RSU1: variants seen among roughly 807,000 people sequenced by gnomAD.
The protein encoded by RSU1 is rsu-1.
RSU1 carries 26 observed loss-of-function variants against 31.1 expected under a neutral mutation model. That is an observed-to-expected ratio of 0.84 (90% CI 0.61 to 1.16). The LOEUF is 1.16. RSU1 is among the 50% of genes most tolerant of loss of function. RSU1 has a pLI of 0.00. For synonymous variants in RSU1, 164 were observed against 136.3 expected (o/e 1.20, Z -1.41); for missense variants, 320 against 339.1 (o/e 0.94, Z 0.44).
rs561156588 is a variant in RSU1, at chr10:16,752,789, G to A, written c.483+129C>T. 7.8e-6 allele frequency: 8 copies of A among 1,029,214 alleles called. No individual in the cohort carries two copies. The Admixed American group carries it at 1.6e-4, about 21-fold the overall frequency. 63.8% of individuals were successfully genotyped at this position (1,029,214 alleles called of 1,614,324 possible). On this transcript the variant is annotated intron_variant, in intron 6 of 8. Transcript: ENST00000345264. ...TTTACAAGTGCCGGCGGATAATCAA[G>A]AAACACTATCAGGAGTAGTGGTTTA...
chr10:16,744,804 T>C (rs1003261133), intron 7 of RSU1, among the ~76,000 whole-genome samples: 1 of 152,190 alleles, frequency 6.6e-6, no homozygotes, highest in Non-Finnish European at 1.5e-5. Context: ...GCGGGCATAC[T>C]CTTCTTGCTA....
intron 3 of RSU1, among the ~76,000 whole-genome samples, chr10:16,769,289 G>C (rs1339095908): frequency 1.3e-5 from 2 of 152,190 alleles, no homozygotes; most frequent in Non-Finnish European, 2.9e-5. Flanking sequence ...TCTGGGCTGG[G>C]CTTTCTGTTG....
At chr10:16,763,913 G>A (rs537751174) in intron 4 of RSU1, among the ~76,000 whole-genome samples, 4 of 152,296 alleles carry the variant, frequency 2.6e-5, no homozygotes, top group Admixed American at 6.5e-5. Flanking sequence ...CATAAAGAAA[G>A]ACAGGACTGT....
intron 7 of RSU1, among the ~76,000 whole-genome samples, chr10:16,722,607 T>G (rs1454429170): frequency 6.6e-6 from 1 of 152,072 alleles, no homozygotes. Flanking sequence ...TTAGAACTCA[T>G]GAGTGAAGAA....
chr10:16,651,866 A>C (rs1171649706), intron 8 of RSU1, among the ~76,000 whole-genome samples: 1 of 152,224 alleles, frequency 6.6e-6, no homozygotes, highest in African/African-American at 2.4e-5. Context: ...ATGTAACACT[A>C]TGTGTTTGCC....
intron 8 of RSU1, among the ~76,000 whole-genome samples, chr10:16,675,971 G>A (rs1053491302): frequency 6.6e-6 from 1 of 152,116 alleles, no homozygotes; most frequent in Non-Finnish European, 1.5e-5. Flanking sequence ...GACAAAGAAG[G>A]GATCACGCAG....
At chr10:16,612,966 T>C (rs996495105) in intron 8 of RSU1, among the ~76,000 whole-genome samples, 4 of 152,060 alleles carry the variant, frequency 2.6e-5, no homozygotes, top group East Asian at 1.9e-4. Context: ...CAGTTCACAG[T>C]ATGGTTCTCC....
At chr10:16,751,560 C>T (rs1836981819) in intron 7 of RSU1, among the ~76,000 whole-genome samples, 1 of 152,206 alleles carries the variant, frequency 6.6e-6, no homozygotes, top group African/African-American at 2.4e-5. Flanking sequence ...CATCCAAGGT[C>T]CTTGCTTCAT....
intron 7 of RSU1, among the ~76,000 whole-genome samples, chr10:16,731,353 C>A (rs969772929): frequency 1.3e-5 from 2 of 151,380 alleles, no homozygotes; most frequent in Non-Finnish European, 2.9e-5. Flanking sequence ...TGGCGTGAAC[C>A]CAGGAGGCGG....
chr10:16,746,782 A>C (rs1836864497), intron 7 of RSU1, among the ~76,000 whole-genome samples: 1 of 149,920 alleles, frequency 6.7e-6, no homozygotes, highest in Non-Finnish European at 1.5e-5. Context: ...CTCTCTACTA[A>C]TTAATTCTTC....
At chr10:16,628,374 C>T (rs1834193753) in intron 8 of RSU1, among the ~76,000 whole-genome samples, 1 of 152,190 alleles carries the variant, frequency 6.6e-6, no homozygotes, top group Admixed American at 6.5e-5. Context: ...TACTTATATG[C>T]TCACACTTCT....
intron 8 of RSU1, among the ~76,000 whole-genome samples, chr10:16,620,802 G>A (rs899293875): frequency 1.3e-5 from 2 of 150,674 alleles, no homozygotes; most frequent in Non-Finnish European, 2.9e-5. Context: ...CTGAGATCGC[G>A]CCACTGCACT....
intron 7 of RSU1, among the ~76,000 whole-genome samples, chr10:16,702,080 G>A (rs1014458917): frequency 2.6e-5 from 4 of 152,214 alleles, no homozygotes; most frequent in African/African-American, 7.2e-5. Flanking sequence ...AAACTCTGGT[G>A]GATCTGGCTC....
chr10:16,697,708 T>TG (rs889115537), intron 7 of RSU1, among the ~76,000 whole-genome samples: 1 of 149,906 alleles, frequency 6.7e-6, no homozygotes, highest in African/African-American at 2.4e-5. Flanking sequence ...GCAAAGTAGA[T>TG]GAAAAAAAAG....
intron 8 of RSU1, among the ~76,000 whole-genome samples, chr10:16,633,658 A>G (rs113884696): frequency 0.012 from 1,782 of 152,256 alleles, 35 homozygotes; most frequent in African/African-American, 0.04. Context: ...CCAGACGACA[A>G]CCAGCTCAGG....
chr10:16,810,892 T>C (rs1395665836), intron 2 of RSU1, among the ~76,000 whole-genome samples: 1 of 152,056 alleles, frequency 6.6e-6, no homozygotes, highest in African/African-American at 2.4e-5. Flanking sequence ...AGTGGTGGCA[T>C]GTGCCTGTAA....
chr10:16,801,717 G>A (rs1838158644), intron 2 of RSU1, among the ~76,000 whole-genome samples: 1 of 129,210 alleles, frequency 7.7e-6, no homozygotes, highest in African/African-American at 3.9e-5. Flanking sequence ...AATTAAACTA[G>A]AAATCAAACG....
At chr10:16,740,869 T>C (rs575920500) in intron 7 of RSU1, among the ~76,000 whole-genome samples, 3 of 152,330 alleles carry the variant, frequency 2.0e-5, no homozygotes, top group African/African-American at 4.8e-5. Context: ...CTTCATATTG[T>C]TGAGATTATG....
intron 8 of RSU1, among the ~76,000 whole-genome samples, chr10:16,689,102 T>A (rs751712964): frequency 1.3e-5 from 2 of 152,188 alleles, no homozygotes; most frequent in Non-Finnish European, 2.9e-5. Context: ...TTTGAGCTAT[T>A]TTCAGATACA....
Sources: gnomAD v4.1 joint callset for allele counts (sites outside exome capture counted in the v4.1 genomes callset) on GRCh38, gnomAD v4.1.1 for gene constraint, MANE v1.5 for transcripts, NCBI Gene and HGNC (gene_info 2026-07-23, HGNC 2026-07-21) for gene names.